FMN1: variants seen among roughly 807,000 people sequenced by gnomAD.
FMN1 encodes formin-1.
FMN1 carries 110 observed loss-of-function variants against 132.4 expected under a neutral mutation model. The ratio of observed to expected loss-of-function variants is 0.83; its 90% CI spans 0.71 to 0.97. The LOEUF (loss-of-function observed/expected upper bound fraction) is 0.97, where lower values mean the gene tolerates loss of function less well. FMN1 is among the 50% of genes least tolerant of loss of function. The pLI, the probability that FMN1 is intolerant of heterozygous loss-of-function variation, is 0.00. For missense variants in FMN1, 1,792 were observed against 1,705.3 expected (o/e 1.05, Z -0.90); for synonymous variants, 722 against 651.7 (o/e 1.11, Z -1.64).
chr15:32,849,557 G>A (rs75364962), intron 17 of FMN1, among the ~76,000 whole-genome samples: 2 of 148,920 alleles, frequency 1.3e-5, no homozygotes, highest in African/African-American at 5.0e-5. Flanking sequence ...AACCGACTTC[G>A]GGGGAAAACA....
Position 32,999,298 on chromosome 15 carries a change from G to C in FMN1, c.2223+8716C>G, listed in dbSNP as rs183704555. On this transcript the variant is annotated intron_variant, in intron 7 of 20. Coordinates refer to ENST00000616417, the MANE Select transcript of FMN1 (RefSeq NM_001277313.2). ...TGAAGAATACAAAAAAATGGAACAG[G>C]CTTGGGATTTATGCCTTTATAAATT... Among the ~76,000 whole-genome samples the C allele has an allele frequency of 5.1e-4, 77 of 152,306 alleles. 1 individual carries two copies. The South Asian group carries it at 5.6e-3, about 11-fold the overall frequency.
chr15:33,104,238 A>G (rs1399119596), intron 4 of FMN1, among the ~76,000 whole-genome samples: 2 of 152,148 alleles, frequency 1.3e-5, no homozygotes, highest in Non-Finnish European at 2.9e-5. Flanking sequence ...TGGCTTCAAA[A>G]CAACAAAGAG....
At chr15:33,051,298 T>C (rs1472240319) in intron 6 of FMN1, among the ~76,000 whole-genome samples, 1 of 152,146 alleles carries the variant, frequency 6.6e-6, no homozygotes, top group Non-Finnish European at 1.5e-5. Context: ...TAAGGTGAAT[T>C]ATGGCTGGGC....
chr15:33,018,558 C>T (rs200714845), intron 6 of FMN1, among the ~76,000 whole-genome samples: 4 of 152,154 alleles, frequency 2.6e-5, no homozygotes, highest in East Asian at 1.9e-4. Context: ...GAGGGTGGTG[C>T]GCCCAAGAAG....
intron 6 of FMN1, among the ~76,000 whole-genome samples, chr15:33,035,657 C>CA (rs1366037956): frequency 1.3e-5 from 2 of 152,178 alleles, no homozygotes; most frequent in African/African-American, 4.8e-5. Flanking sequence ...TTTAAAACTG[C>CA]AACCAGCCCT....
At chr15:32,923,963 C>CAAGA (rs397824613) in intron 10 of FMN1, among the ~76,000 whole-genome samples, 1 of 152,062 alleles carries the variant, frequency 6.6e-6, no homozygotes, top group East Asian at 1.9e-4. Context: ...ACTGTCAAGA[C>CAAGA]CGTTCTGTGA....
chr15:32,887,825 T>A (rs1445074458), intron 16 of FMN1, among the ~76,000 whole-genome samples: 5 of 152,208 alleles, frequency 3.3e-5, no homozygotes, highest in Non-Finnish European at 5.9e-5. Context: ...ATGGGTTTAG[T>A]GTAGTTCCAG....
chr15:32,925,351 A>C (rs1431467095), intron 10 of FMN1, among the ~76,000 whole-genome samples: 1 of 152,232 alleles, frequency 6.6e-6, no homozygotes, highest in African/African-American at 2.4e-5. Context: ...CTTGATAGAA[A>C]ACATAATAGC....
intron 19 of FMN1, among the ~76,000 whole-genome samples, chr15:32,786,564 C>A (rs2056884875): frequency 6.6e-6 from 1 of 152,164 alleles, no homozygotes; most frequent in Non-Finnish European, 1.5e-5. Flanking sequence ...CTCCTTGCAG[C>A]TTTGAACTAA....
rs1421188437 is a variant in FMN1 at position 32,864,801 on chromosome 15, T to C, written c.3836-7694A>G. ...TATGCCTCAAAAGCTAATTAGAACATTGTACTTAGTGAATAGAGCTTTAGT... is the reference window on the plus strand; with the variant it reads ...TATGCCTCAAAAGCTAATTAGAACACTGTACTTAGTGAATAGAGCTTTAGT... On this transcript the variant is annotated intron_variant, in intron 16 of 20. Transcript: ENST00000616417. 3.3e-5 allele frequency among the ~76,000 whole-genome samples: 5 copies of C among 152,204 alleles called. No individual in the cohort carries two copies. The South Asian group carries it at 6.2e-4, about 19-fold the overall frequency.
intron 17 of FMN1, among the ~76,000 whole-genome samples, chr15:32,819,226 C>T (rs2058141153): frequency 6.6e-6 from 1 of 151,490 alleles, no homozygotes; most frequent in African/African-American, 2.4e-5. Context: ...CCCTTCCCCC[C>T]AACCAACAAG....
intron 19 of FMN1, among the ~76,000 whole-genome samples, chr15:32,795,510 A>T (rs752382035): frequency 5.3e-5 from 8 of 151,758 alleles, no homozygotes; most frequent in Admixed American, 3.3e-4. Context: ...CTTCATCCTG[A>T]TACATACATT....
At chr15:32,875,494 G>A (rs944353456) in intron 16 of FMN1, among the ~76,000 whole-genome samples, 24 of 152,380 alleles carry the variant, frequency 1.6e-4, no homozygotes, top group African/African-American at 4.8e-4. Flanking sequence ...TGGCATGGCA[G>A]AGACTGGAAC....
intron 10 of FMN1, among the ~76,000 whole-genome samples, chr15:32,921,720 A>G (rs1470134395): frequency 7.0e-6 from 1 of 142,790 alleles, no homozygotes; most frequent in Non-Finnish European, 1.5e-5. Flanking sequence ...TCTGTTGCCC[A>G]GGCTGGAGTA....
At chr15:33,084,888 A>G (rs2038628444) in intron 5 of FMN1, among the ~76,000 whole-genome samples, 1 of 152,224 alleles carries the variant, frequency 6.6e-6, no homozygotes, top group South Asian at 2.1e-4. Flanking sequence ...TTTACCTTTC[A>G]TCACGTACTA....
At chr15:32,945,446 C>CCTGT (rs1419604669) in intron 9 of FMN1, among the ~76,000 whole-genome samples, 2 of 152,160 alleles carry the variant, frequency 1.3e-5, no homozygotes, top group African/African-American at 2.4e-5. Flanking sequence ...CTTTGGACTT[C>CCTGT]CTGTCTTGTC....
intron 3 of FMN1, among the ~76,000 whole-genome samples, chr15:33,156,993 T>C (rs1964695888): frequency 6.6e-6 from 1 of 152,060 alleles, no homozygotes. Flanking sequence ...ATTGGCTGGG[T>C]ATGGTGGCTC....
chr15:33,017,816 G>A (rs1004415372), intron 6 of FMN1, among the ~76,000 whole-genome samples: 36 of 152,228 alleles, frequency 2.4e-4, no homozygotes, highest in African/African-American at 8.2e-4. Flanking sequence ...CGTAATCCCA[G>A]CACTTTGGGA....
At chr15:33,144,315 G>GT (rs1233899918) in intron 4 of FMN1, among the ~76,000 whole-genome samples, 1 of 152,132 alleles carries the variant, frequency 6.6e-6, no homozygotes, top group African/African-American at 2.4e-5. Context: ...CTGCCCTCAA[G>GT]TTTTTTTATT....
Sources: allele counts gnomAD v4.1 joint callset (sites outside exome capture counted in the v4.1 genomes callset), GRCh38; gene constraint gnomAD v4.1.1; transcripts MANE v1.5; gene names NCBI Gene and HGNC (gene_info 2026-07-23, HGNC 2026-07-21).